Variants in NF1 observed in about 807,000 individuals in gnomAD.
NF1 encodes the protein neurofibromin.
NF1 carries 122 observed loss-of-function variants against 325.7 expected under a neutral mutation model. The ratio of observed to expected loss-of-function variants is 0.37; its 90% CI spans 0.32 to 0.44. NF1 has a LOEUF of 0.44. Ranked by LOEUF, NF1 falls within the 20% of genes least tolerant of loss-of-function variation. The probability of loss-of-function intolerance (pLI) is 1.00; values close to 1 mark genes in which losing one functional copy is unlikely to be tolerated. For synonymous variants in NF1, 1,091 were observed against 1,186.0 expected, an observed-to-expected ratio of 0.92 and a Z score of 1.65; for missense variants, 2,140 against 3,415.4, an observed-to-expected ratio of 0.63 and a Z score of 9.31.
intron 36 of NF1, among the ~76,000 whole-genome samples, chr17:31,325,315 AC>A (rs1290100795): frequency 6.6e-6 from 1 of 152,198 alleles, no homozygotes; most frequent in Non-Finnish European, 1.5e-5. Context: ...TTGTTTATAA[AC>A]ACCAGGAAAG....
intron 38 of NF1, among the ~76,000 whole-genome samples, chr17:31,328,756 C>G (rs1174363417): frequency 6.6e-6 from 1 of 151,958 alleles, no homozygotes; most frequent in Non-Finnish European, 1.5e-5. Context: ...TAACATAGCC[C>G]AGGTTTTATA....
At chr17:31,168,317 C>G (rs2143698961) in intron 4 of NF1, among the ~76,000 whole-genome samples, 1 of 152,218 alleles carries the variant, frequency 6.6e-6, no homozygotes, top group East Asian at 1.9e-4. Flanking sequence ...GTATATATCT[C>G]TAATAAATAG....
intron 12 of NF1, among the ~76,000 whole-genome samples, chr17:31,209,860 G>A (rs1253165137): frequency 6.6e-6 from 1 of 152,028 alleles, no homozygotes; most frequent in African/African-American, 2.4e-5. Context: ...TTTTGGGCAG[G>A]CTACTCTTGA....
At chr17:31,238,594 T>TG (rs1300599260) in intron 29 of NF1, among the ~76,000 whole-genome samples, 15 of 151,692 alleles carry the variant, frequency 9.9e-5, no homozygotes, top group African/African-American at 2.9e-4. Flanking sequence ...ATTAGCTGGG[T>TG]GTGGTGGCAC....
At chr17:31,173,273 A>G (rs1031661923) in intron 5 of NF1, among the ~76,000 whole-genome samples, 3 of 152,048 alleles carry the variant, frequency 2.0e-5, no homozygotes, top group Non-Finnish European at 2.9e-5. Context: ...AGCCAGTCGT[A>G]GTGGTGGGCG....
chr17:31,171,829 C>G (rs999046281), intron 5 of NF1, among the ~76,000 whole-genome samples: 2 of 151,952 alleles, frequency 1.3e-5, no homozygotes, highest in Non-Finnish European at 2.9e-5. Flanking sequence ...TATAAGAAGC[C>G]ATGCTAAGTG....
intron 3 of NF1, among the ~76,000 whole-genome samples, chr17:31,159,347 T>C (rs955775628): frequency 6.6e-6 from 1 of 152,208 alleles, no homozygotes; most frequent in African/African-American, 2.4e-5. Context: ...TATCTGTCTC[T>C]CAGGTTTTTA....
At chr17:31,101,241 A>T (rs1912304029) in intron 1 of NF1, among the ~76,000 whole-genome samples, 1 of 151,112 alleles carries the variant, frequency 6.6e-6, no homozygotes, top group African/African-American at 2.4e-5. Flanking sequence ...GTGATGTTCC[A>T]CTCCCCCCGG....
intron 36 of NF1, among the ~76,000 whole-genome samples, chr17:31,322,157 A>G (rs910586006): frequency 6.6e-6 from 1 of 150,402 alleles, no homozygotes; most frequent in African/African-American, 2.5e-5. Flanking sequence ...CATCACCTCA[A>G]GTTTAACATG....
chr17:31,177,226 C>T (rs943203217), intron 5 of NF1, among the ~76,000 whole-genome samples: 1 of 152,106 alleles, frequency 6.6e-6, no homozygotes, highest in African/African-American at 2.4e-5. Flanking sequence ...GGTAGGAACA[C>T]GCAGCAATCT....
rs2067103329 is a variant in NF1, at chr17:31,230,934, A to AT, written c.3197+9_3197+10insT. 1 of 1,602,810 alleles carries AT rather than the reference A, an allele frequency of 6.2e-7. No individual in the cohort carries two copies. The highest frequency in any genetic ancestry group is 1.3e-5 in the African/African-American group (1 of 74,796). On this transcript the variant is annotated intron_variant, in intron 24 of 57. Transcript: ENST00000358273. ...GTAAAATGTCTTACAAGGTAAAAAA[A>AT]GAATGACCTTCAAGTATTAGTGGGT...
chr17:31,322,114 C>T (rs1230814007), intron 36 of NF1, among the ~76,000 whole-genome samples: 1 of 151,776 alleles, frequency 6.6e-6, no homozygotes, highest in Non-Finnish European at 1.5e-5. Flanking sequence ...CACACACACA[C>T]ACACACACAC....
At chr17:31,268,866 TTTA>T (rs1426568632) in intron 36 of NF1, among the ~76,000 whole-genome samples, 7 of 151,620 alleles carry the variant, frequency 4.6e-5, no homozygotes, top group Admixed American at 2.0e-4. Context: ...AGCTGGCTAA[TTTA>T]TTATTATTAT....
intron 37 of NF1, among the ~76,000 whole-genome samples, 188 bp from the exon 38 acceptor site, chr17:31,327,311 A>T (rs555103961): frequency 2.0e-3 from 308 of 152,308 alleles, no homozygotes; most frequent in African/African-American, 7.0e-3. Context: ...AAAATTTTTA[A>T]ATGTTTTTTG....
chr17:31,172,451 A>G (rs538984949), intron 5 of NF1, among the ~76,000 whole-genome samples: 3 of 152,284 alleles, frequency 2.0e-5, no homozygotes, highest in African/African-American at 4.8e-5. Flanking sequence ...GTCTATAGAT[A>G]TATCTGTATC....
At chr17:31,120,113 G>A (rs1384707264) in intron 1 of NF1, among the ~76,000 whole-genome samples, 2 of 152,118 alleles carry the variant, frequency 1.3e-5, no homozygotes, top group Non-Finnish European at 2.9e-5. Context: ...GGTTCCCTAT[G>A]AAATTTAAAG....
intron 1 of NF1, among the ~76,000 whole-genome samples, chr17:31,101,600 A>G (rs915197790): frequency 3.3e-5 from 5 of 152,034 alleles, no homozygotes; most frequent in African/African-American, 9.7e-5. Flanking sequence ...TGTGTGTATC[A>G]TGCTTCTTCC....
chr17:31,285,521 T>C (rs780565189), intron 36 of NF1, among the ~76,000 whole-genome samples: 7 of 152,156 alleles, frequency 4.6e-5, no homozygotes, highest in Non-Finnish European at 8.8e-5. Flanking sequence ...CAAGACAAAA[T>C]GTCACGTTTA....
At chr17:31,165,775 G>A (rs752601172) in intron 4 of NF1, among the ~76,000 whole-genome samples, 6 of 151,998 alleles carry the variant, frequency 3.9e-5, no homozygotes, top group African/African-American at 7.2e-5. Flanking sequence ...CTGCAGCCTC[G>A]ACCTCCTGGG....
Sources: gnomAD v4.1 joint callset for allele counts (sites outside exome capture counted in the v4.1 genomes callset) on GRCh38, gnomAD v4.1.1 for gene constraint, MANE v1.5 for transcripts, NCBI Gene and HGNC (gene_info 2026-07-23, HGNC 2026-07-21) for gene names.